The following KIAA0825 variants were observed in gnomAD, a reference collection of about 807,000 sequenced individuals.
The protein encoded by KIAA0825 is uncharacterized protein KIAA0825.
KIAA0825 carries 119 observed loss-of-function variants against 147.6 expected under a neutral mutation model. The ratio of observed to expected loss-of-function variants is 0.81; its 90% CI spans 0.69 to 0.94. The LOEUF is 0.94. Ranked by LOEUF, KIAA0825 falls within the 40% of genes least tolerant of loss-of-function variation. KIAA0825 has a pLI of 0.00. For missense variants in KIAA0825, 1,381 were observed against 1,472.7 expected, an observed-to-expected ratio of 0.94 and a Z score of 1.02; for synonymous variants, 470 against 518.1, an observed-to-expected ratio of 0.91 and a Z score of 1.26.
chr5:94,252,431 A>G (rs1776009533), intron 20 of KIAA0825, among the ~76,000 whole-genome samples: 2 of 151,876 alleles, frequency 1.3e-5, no homozygotes, highest in Admixed American at 6.6e-5. Context: ...ATATATATAC[A>G]TGTACATATA....
rs1222273366 is a variant in KIAA0825 at position 94,151,530 on chromosome 5, AC to A, written c.*2476del. ...TACTCTCAATTATAAACTTTATTGC[AC>A]TTATGGCTATAATAATTTCACTGAA... On this transcript the variant is annotated 3_prime_UTR_variant, in exon 21 of 21. Coordinates refer to ENST00000682413, the MANE Select transcript of KIAA0825 (RefSeq NM_001145678.3). Among the ~76,000 whole-genome samples, 2 of 151,786 alleles carry A rather than the reference AC, an allele frequency of 1.3e-5. No individual in the cohort carries two copies. The highest frequency in any genetic ancestry group is 4.8e-5 in the African/African-American group (2 of 41,304).
chr5:94,485,092 T>C (rs1386220815), intron 5 of KIAA0825, among the ~76,000 whole-genome samples, 162 bp from the exon 6 acceptor site: 1 of 151,822 alleles, frequency 6.6e-6, no homozygotes, highest in Non-Finnish European at 1.5e-5. Context: ...CTCCTAGGAG[T>C]ATCTTTTCTT....
intron 20 of KIAA0825, among the ~76,000 whole-genome samples, chr5:94,187,533 TCTCCTGC>T (rs1770252631): frequency 6.6e-6 from 1 of 151,640 alleles, no homozygotes; most frequent in Middle Eastern, 3.4e-3. Context: ...TTCATTCCAT[TCTCCTGC>T]CTCAGTCTCC....
intron 10 of KIAA0825, among the ~76,000 whole-genome samples, chr5:94,466,241 A>G (rs985402907): frequency 2.0e-5 from 3 of 152,120 alleles, no homozygotes; most frequent in African/African-American, 7.2e-5. Flanking sequence ...TTGATTACTA[A>G]TATCTTCTGC....
chr5:94,217,234 A>T (rs1446902644), intron 20 of KIAA0825, among the ~76,000 whole-genome samples: 1 of 152,102 alleles, frequency 6.6e-6, no homozygotes, highest in Admixed American at 6.5e-5. Flanking sequence ...ATACCATTTT[A>T]AAATGACTTA....
intron 20 of KIAA0825, among the ~76,000 whole-genome samples, chr5:94,353,991 G>C (rs1783981831): frequency 6.6e-6 from 1 of 152,164 alleles, no homozygotes; most frequent in Non-Finnish European, 1.5e-5. Flanking sequence ...AATTGCAGAT[G>C]TGATATAATT....
chr5:94,154,047 G>C lies in KIAA0825; in HGVS notation c.3788C>G (p.Pro1263Arg). 6.4e-7 allele frequency: 1 copy of C among 1,551,584 alleles called. No individual in the cohort carries two copies. The highest frequency in any genetic ancestry group is 8.7e-7 in the Non-Finnish European group (1 of 1,146,890). ...ILEHLKQICT[P>R]QNSSASDNIE... The stretch of plus-strand genomic sequence containing the variant: ...GTTATCTGAGGCAGAAGAGTTCTGT[G>C]GGGTGCAAATTTGTTTTAAGTGCTC... Residue 1263 changes from proline (P) to arginine (R), a missense_variant, in exon 21 of 21, where the codon CCA becomes CGA. Pro to Arg is a moderately radical substitution (Grantham distance 103, BLOSUM62 -2). Coordinates refer to ENST00000682413, the MANE Select transcript of KIAA0825 (RefSeq NM_001145678.3).
At chr5:94,396,687 C>A (rs1750700505) in intron 16 of KIAA0825, among the ~76,000 whole-genome samples, 178 bp from the exon 17 acceptor site, 1 of 151,916 alleles carries the variant, frequency 6.6e-6, no homozygotes, top group African/African-American at 2.4e-5. Flanking sequence ...TAAAATTCCC[C>A]CAAATCAAAA....
At chr5:94,433,159 C>G (rs897693101) in intron 14 of KIAA0825, among the ~76,000 whole-genome samples, 1 of 152,150 alleles carries the variant, frequency 6.6e-6, no homozygotes, top group African/African-American at 2.4e-5. Context: ...TCCCGAGTAG[C>G]TAGGACTACA....
intron 20 of KIAA0825, among the ~76,000 whole-genome samples, chr5:94,209,824 A>T (rs987460671): frequency 6.6e-6 from 1 of 152,148 alleles, no homozygotes; most frequent in African/African-American, 2.4e-5. Flanking sequence ...AGGAATCCCT[A>T]TATGGCCTGC....
chr5:94,375,018 TCTTTCTTTC>T (rs1747325886), intron 20 of KIAA0825, among the ~76,000 whole-genome samples: 1 of 149,140 alleles, frequency 6.7e-6, no homozygotes, highest in Admixed American at 6.9e-5. Flanking sequence ...ATTTTTCTTT[TCTTTCTTTC>T]CTTCTCTTTT....
At chr5:94,518,226 T>C (rs147008396) in intron 5 of KIAA0825, among the ~76,000 whole-genome samples, 3 of 152,316 alleles carry the variant, frequency 2.0e-5, no homozygotes, top group Admixed American at 1.3e-4. Context: ...AACATTATCA[T>C]TGGGTCAAAT....
chr5:94,530,967 T>C (rs1770683069), intron 3 of KIAA0825, among the ~76,000 whole-genome samples: 2 of 152,238 alleles, frequency 1.3e-5, no homozygotes, highest in South Asian at 4.1e-4. Flanking sequence ...TAACAATTTA[T>C]AAACAGGGAG....
intron 2 of KIAA0825, among the ~76,000 whole-genome samples, chr5:94,562,398 CA>C (rs1777712789): frequency 6.6e-6 from 1 of 152,192 alleles, no homozygotes; most frequent in African/African-American, 2.4e-5. Flanking sequence ...CTTATCTCAA[CA>C]GTGAATCTAT....
intron 20 of KIAA0825, among the ~76,000 whole-genome samples, chr5:94,360,341 T>C (rs1254612961): frequency 6.6e-6 from 1 of 152,126 alleles, no homozygotes; most frequent in African/African-American, 2.4e-5. Context: ...CAAGTTTGGT[T>C]AGTGTTGTCA....
intron 20 of KIAA0825, among the ~76,000 whole-genome samples, chr5:94,204,708 C>G (rs185403926): frequency 7.0e-4 from 107 of 152,124 alleles, no homozygotes; most frequent in Non-Finnish European, 1.0e-3. Context: ...AAAAATATAC[C>G]TCATTTTTCT....
chr5:94,554,193 C>G (rs1776095143), intron 2 of KIAA0825, among the ~76,000 whole-genome samples: 1 of 152,202 alleles, frequency 6.6e-6, no homozygotes, highest in African/African-American at 2.4e-5. Context: ...TTCCCAGGTT[C>G]CCCTGACTTG....
At chr5:94,552,072 G>A (rs945261487) in intron 2 of KIAA0825, among the ~76,000 whole-genome samples, 7 of 151,714 alleles carry the variant, frequency 4.6e-5, no homozygotes, top group Non-Finnish European at 7.4e-5. Flanking sequence ...TGAAGAGATG[G>A]AAAAAGATAT....
chr5:94,523,758 A>T (rs758414081), intron 4 of KIAA0825, among the ~76,000 whole-genome samples, 172 bp downstream of exon 4: 6 of 151,570 alleles, frequency 4.0e-5, no homozygotes, highest in Non-Finnish European at 8.9e-5. Context: ...GTTAAAAATT[A>T]AAACAAATAG....
Sources: allele counts gnomAD v4.1 joint callset (sites outside exome capture counted in the v4.1 genomes callset), GRCh38; gene constraint gnomAD v4.1.1; transcripts MANE v1.5; gene names NCBI Gene and HGNC (gene_info 2026-07-23, HGNC 2026-07-21).